The following ADGRL2 variants were observed in gnomAD, a reference collection of about 807,000 sequenced individuals.
ADGRL2 encodes calcium-independent alpha-latrotoxin receptor 2.
Under a neutral mutation model 157.4 loss-of-function variants are expected in ADGRL2, and 44 were observed. The ratio of observed to expected loss-of-function variants is 0.28; its 90% CI spans 0.22 to 0.36. The LOEUF is 0.36. ADGRL2 is among the 10% of genes least tolerant of loss of function. The pLI is 1.00. For synonymous variants in ADGRL2, 585 were observed against 624.7 expected (o/e 0.94, Z 0.95); for missense variants, 1,510 against 1,768.9 (o/e 0.85, Z 2.63).
chr1:81,728,417 T>C (rs1047469887), intron 1 of ADGRL2, among the ~76,000 whole-genome samples: 16 of 152,216 alleles, frequency 1.1e-4, no homozygotes, highest in Non-Finnish European at 1.5e-4. Context: ...AGCCTTTAAA[T>C]GCAGGTATTT....
In ADGRL2 at chr1:81,537,894, T is replaced by G. The variant is rs1282949701; in HGVS notation, c.-247-42982T>G. Among the ~76,000 whole-genome samples, 4 of 152,066 alleles carry G rather than the reference T, an allele frequency of 2.6e-5. 1 individual carries two copies. Among genetic ancestry groups the G allele is most frequent in the African/African-American group, 9.7e-5 (4 of 41,418 alleles). ...TTTGTATTTTTAGTAGAGACAGGATTTCACCATGTTGGCCAAGCTGGTCTC... is the reference window on the plus strand; with the variant it reads ...TTTGTATTTTTAGTAGAGACAGGATGTCACCATGTTGGCCAAGCTGGTCTC... On this transcript the variant is annotated intron_variant, in intron 2 of 24. Transcript: ENST00000370721.
At chr1:81,650,019 G>A (rs1243201992) in intron 3 of ADGRL2, among the ~76,000 whole-genome samples, 1 of 150,558 alleles carries the variant, frequency 6.6e-6, no homozygotes, top group African/African-American at 2.4e-5. Flanking sequence ...AGTTTGTGGG[G>A]TTATTTGTGG....
At chr1:81,424,778 A>C (rs1055460954) in intron 1 of ADGRL2, among the ~76,000 whole-genome samples, 2 of 152,184 alleles carry the variant, frequency 1.3e-5, no homozygotes, top group African/African-American at 4.8e-5. Context: ...AAGTCTGCCC[A>C]GTTACCTTCC....
chr1:81,505,483 G>A (rs1483493737), intron 2 of ADGRL2, among the ~76,000 whole-genome samples: 4 of 150,588 alleles, frequency 2.7e-5, no homozygotes, highest in South Asian at 2.1e-4. Context: ...CAGGCAGCTC[G>A]CCTGGCCACA....
chr1:81,613,226 G>C (rs1184543860), intron 3 of ADGRL2, among the ~76,000 whole-genome samples: 1 of 152,132 alleles, frequency 6.6e-6, no homozygotes, highest in Non-Finnish European at 1.5e-5. Flanking sequence ...TGATTACAAA[G>C]ATAATGCATG....
At chr1:81,505,875 C>T (rs1480348076) in intron 2 of ADGRL2, 1 of 335,084 alleles carries the variant, frequency 3.0e-6, no homozygotes, top group African/African-American at 2.1e-5. Flanking sequence ...GGATCAATGT[C>T]ATTACACAAT....
chr1:81,562,581 A>C (rs1203531194), intron 2 of ADGRL2, among the ~76,000 whole-genome samples: 1 of 152,132 alleles, frequency 6.6e-6, no homozygotes, highest in African/African-American at 2.4e-5. Flanking sequence ...GGAAAATATC[A>C]ATTACACAGT....
intron 2 of ADGRL2, among the ~76,000 whole-genome samples, chr1:81,519,926 A>G (rs1431739059): frequency 6.6e-6 from 1 of 152,208 alleles, no homozygotes; most frequent in Admixed American, 6.5e-5. Flanking sequence ...AGGGATGGGC[A>G]TGTGGTATAA....
chr1:81,899,842 C>T (rs763591751), intron 2 of ADGRL2, among the ~76,000 whole-genome samples: 1 of 152,096 alleles, frequency 6.6e-6, no homozygotes, highest in African/African-American at 2.4e-5. Context: ...CAAGCCATTT[C>T]CCTGACCATC....
chr1:81,799,060 T>C (rs1225840620), upstream of ADGRL2, among the ~76,000 whole-genome samples: 1 of 152,208 alleles, frequency 6.6e-6, no homozygotes, highest in Non-Finnish European at 1.5e-5. Flanking sequence ...AAGAAGATCA[T>C]AAAATTACCT....
intron 3 of ADGRL2, among the ~76,000 whole-genome samples, chr1:81,920,104 G>T (rs2094943281): frequency 6.6e-6 from 1 of 152,128 alleles, no homozygotes; most frequent in Non-Finnish European, 1.5e-5. Context: ...AGGTCTAATT[G>T]CTCTAGAGTT....
chr1:81,687,333 G>A (rs59473190), intron 3 of ADGRL2, among the ~76,000 whole-genome samples: 2,686 of 152,258 alleles, frequency 0.018, 33 homozygotes, highest in South Asian at 0.054. Flanking sequence ...AGTATTAGGT[G>A]CATATATGTT....
intron 3 of ADGRL2, among the ~76,000 whole-genome samples, chr1:81,650,696 TA>T (rs2082403227): frequency 1.3e-5 from 2 of 152,230 alleles, no homozygotes; most frequent in Admixed American, 6.5e-5. Flanking sequence ...GACATCACGC[TA>T]AAATGAATGA....
intron 3 of ADGRL2, among the ~76,000 whole-genome samples, chr1:81,917,674 T>G (rs2094888520): frequency 6.6e-6 from 1 of 152,210 alleles, no homozygotes; most frequent in East Asian, 1.9e-4. Context: ...AACTCACCTA[T>G]CTACATTACT....
chr1:81,310,823 G>C (rs1039056044), intron 1 of ADGRL2, among the ~76,000 whole-genome samples: 15 of 145,920 alleles, frequency 1.0e-4, no homozygotes, highest in African/African-American at 3.5e-4. Context: ...TGATTTCTCT[G>C]TTACTTGGTT....
chr1:81,424,952 T>A (rs529695650), intron 1 of ADGRL2, among the ~76,000 whole-genome samples: 35 of 152,322 alleles, frequency 2.3e-4, no homozygotes, highest in Admixed American at 2.0e-4. Context: ...AGTCCTCTTC[T>A]CAGTACTTTA....
intron 2 of ADGRL2, among the ~76,000 whole-genome samples, chr1:81,762,508 T>A (rs2085918778): frequency 6.6e-6 from 1 of 152,144 alleles, no homozygotes; most frequent in Admixed American, 6.5e-5. Context: ...ATGGGAAAGG[T>A]CAGTGTAAAA....
chr1:81,744,646 T>G (rs2085183475), intron 1 of ADGRL2, among the ~76,000 whole-genome samples: 1 of 152,154 alleles, frequency 6.6e-6, no homozygotes, highest in Non-Finnish European at 1.5e-5. Flanking sequence ...GGCTGAAGAT[T>G]GTCTCTCCTG....
At chr1:81,549,771 C>T (rs1484685842) in intron 2 of ADGRL2, among the ~76,000 whole-genome samples, 2 of 152,092 alleles carry the variant, frequency 1.3e-5, no homozygotes, top group Non-Finnish European at 2.9e-5. Context: ...GACTAATGGG[C>T]ATGAGAGGTA....
Sources: allele counts gnomAD v4.1 joint callset (sites outside exome capture counted in the v4.1 genomes callset), GRCh38; gene constraint gnomAD v4.1.1; transcripts MANE v1.5; gene names NCBI Gene and HGNC (gene_info 2026-07-23, HGNC 2026-07-21).